The following SLC4A8 variants were observed in gnomAD, a reference collection of about 807,000 sequenced individuals.
SLC4A8 encodes electroneutral sodium bicarbonate exchanger 1.
A neutral mutation model predicts 125.0 loss-of-function variants in SLC4A8; 40 were observed. The observed-to-expected ratio is 0.32, with a 90% confidence interval of 0.25 to 0.42. The LOEUF (loss-of-function observed/expected upper bound fraction) is 0.42. Ranked by LOEUF, SLC4A8 falls within the 10% of genes least tolerant of loss-of-function variation. SLC4A8 has a pLI of 1.00. For missense variants in SLC4A8, 863 were observed against 1,355.1 expected (o/e 0.64, Z 5.70); for synonymous variants, 456 against 476.0 (o/e 0.96, Z 0.55).
intron 16 of SLC4A8, chr12:51,480,555 A>G (rs958995157): frequency 1.0e-6 from 1 of 987,892 alleles, no homozygotes; most frequent in Non-Finnish European, 1.2e-6. Flanking sequence ...TCCCGTAAAT[A>G]TCTTTTGATT....
rs1950274456 is a variant in SLC4A8, at chr12:51,460,056, C to T, written c.961C>T (p.Leu321=). 1 of 1,613,756 alleles carries T rather than the reference C, an allele frequency of 6.2e-7. No homozygotes were observed. The highest frequency in any genetic ancestry group is 8.5e-7 in the Non-Finnish European group (1 of 1,179,654). ...CCGTCCCATTGTTGCCTTTGTGAGG[C>T]TGTCTCCAGCTGTTCTTCTCTCAGG... ...LDRPIVAFVR[L]SPAVLLSGLT... is the part of the protein sequence containing the mutation. The change falls in exon 8 of 25, where the codon CTG becomes TTG. Residue 321 remains leucine, a synonymous_variant. Coordinates refer to ENST00000453097, the MANE Select transcript of SLC4A8 (RefSeq NM_001039960.3).
At chr12:51,401,830 A>T (rs1324104364) in intron 1 of SLC4A8, among the ~76,000 whole-genome samples, 2 of 152,008 alleles carry the variant, frequency 1.3e-5, no homozygotes, top group Non-Finnish European at 2.9e-5. Flanking sequence ...CTCCCATATC[A>T]ACTCTTCAAT....
intron 13 of SLC4A8, 115 bp downstream of exon 13, chr12:51,470,640 A>G (rs1341719339): frequency 3.1e-6 from 3 of 969,710 alleles, no homozygotes; most frequent in Non-Finnish European, 4.7e-6. Flanking sequence ...ATTGTAAGAA[A>G]CCTGAAAGGA....
At chr12:51,403,923 G>C (rs187928216) in intron 1 of SLC4A8, among the ~76,000 whole-genome samples, 1 of 152,390 alleles carries the variant, frequency 6.6e-6, no homozygotes, top group Non-Finnish European at 1.5e-5. Flanking sequence ...TGCTTGACAA[G>C]CTAAGTGTGT....
intron 2 of SLC4A8, among the ~76,000 whole-genome samples, chr12:51,443,479 C>G (rs1949665015): frequency 6.6e-6 from 1 of 151,994 alleles, no homozygotes; most frequent in Non-Finnish European, 1.5e-5. Flanking sequence ...AAGATGAACT[C>G]AAGAAGAGCA....
intron 1 of SLC4A8, among the ~76,000 whole-genome samples, chr12:51,412,473 CA>C (rs1948613068): frequency 6.6e-6 from 1 of 152,120 alleles, no homozygotes; most frequent in Non-Finnish European, 1.5e-5. Flanking sequence ...TTGAAATATA[CA>C]ATAAATTGTT....
At chr12:51,450,786 T>C (rs1276182290) in intron 2 of SLC4A8, 90 bp from the exon 3 acceptor site, 2 of 1,411,196 alleles carry the variant, frequency 1.4e-6, no homozygotes, top group Non-Finnish European at 2.0e-6. Context: ...AACTGTGATA[T>C]TTTTTTCTCT....
upstream of SLC4A8, among the ~76,000 whole-genome samples, chr12:51,424,051 A>AAC (rs1948868469): frequency 2.3e-5 from 1 of 44,020 alleles, no homozygotes; most frequent in Non-Finnish European, 5.2e-5. Flanking sequence ...AAAAAAAAAA[A>AAC]AACAAAAAAA....
chr12:51,434,331 G>T lies in SLC4A8; in HGVS notation c.49-6377G>T, dbSNP rs138204921. On this transcript the variant is annotated intron_variant, in intron 1 of 24. Transcript: ENST00000453097. ...ACGAGATTATTATACTGAAAAAATA[G>T]TTTCCTAATATAATCAAATTTTCAT... 7.6e-3 allele frequency among the ~76,000 whole-genome samples: 1,154 copies of T among 152,184 alleles called. 8 individuals carry two copies. Among genetic ancestry groups the T allele is most frequent in the Non-Finnish European group, 0.013 (915 of 68,004 alleles).
chr12:51,442,167 ATC>A (rs1949620065), intron 2 of SLC4A8, among the ~76,000 whole-genome samples: 1 of 152,160 alleles, frequency 6.6e-6, no homozygotes, highest in Non-Finnish European at 1.5e-5. Flanking sequence ...TGGGGAGAGA[ATC>A]CTGCTCTTTT....
chr12:51,457,506 A>C lies in SLC4A8; in HGVS notation c.730A>C (p.Lys244Gln). 1.2e-6 allele frequency: 2 copies of C among 1,614,108 alleles called. No homozygotes were observed. Among genetic ancestry groups the C allele is most frequent in the Non-Finnish European group, 1.7e-6 (2 of 1,179,962 alleles). ...IVRSFAEVGK[K>Q]QSDPHLMDKH... ...TCGCTCCTTTGCTGAGGTTGGCAAG[A>C]AGCAGTCTGATCCTCATTTGATGGA... The change falls in exon 6 of 25, where the codon AAG (lysine) becomes CAG (glutamine). Residue 244 changes from lysine (K) to glutamine (Q), a missense_variant. This residue lies in a region of SLC4A8 where 390 missense variants were observed against 634.4 expected (regional missense o/e 0.61). Coordinates refer to ENST00000453097, the MANE Select transcript of SLC4A8 (RefSeq NM_001039960.3).
intron 22 of SLC4A8, among the ~76,000 whole-genome samples, chr12:51,499,799 TG>T (rs750643342): frequency 9.2e-5 from 14 of 152,128 alleles, no homozygotes; most frequent in Admixed American, 2.0e-4. Flanking sequence ...TGAGAATATC[TG>T]GGAGTAAGAA....
upstream of SLC4A8, among the ~76,000 whole-genome samples, chr12:51,420,400 T>C (rs1479588065): frequency 6.6e-6 from 1 of 152,220 alleles, no homozygotes; most frequent in Non-Finnish European, 1.5e-5. Flanking sequence ...TTGCAAATTA[T>C]TTAAGAACAT....
At chr12:51,440,410 G>GTT (rs11333373) in intron 1 of SLC4A8, among the ~76,000 whole-genome samples, 1 of 144,760 alleles carries the variant, frequency 6.9e-6, no homozygotes, top group Non-Finnish European at 1.5e-5. Flanking sequence ...TTCTCTCTCT[G>GTT]TTTTTTTTTT....
At chr12:51,495,477 T>A (rs957128050) in intron 21 of SLC4A8, among the ~76,000 whole-genome samples, 1 of 137,730 alleles carries the variant, frequency 7.3e-6, no homozygotes, top group African/African-American at 2.7e-5. Context: ...CTTCTTTTTT[T>A]TTTTTTTTTT....
chr12:51,418,898 A>T (rs1344708598), intron 1 of SLC4A8, among the ~76,000 whole-genome samples: 2 of 152,174 alleles, frequency 1.3e-5, no homozygotes, highest in Non-Finnish European at 1.5e-5. Context: ...TTTTCAGTAA[A>T]CTAATGAATG....
At position 51,424,863 on chromosome 12, in the gene SLC4A8, G is replaced by A. The variant is rs1948904503; in HGVS notation, c.-125G>A. The A allele has an allele frequency of 2.8e-6, 3 of 1,063,500 alleles. No homozygotes were observed. The highest frequency in any genetic ancestry group is 2.3e-5 in the Admixed American group (1 of 43,676). 65.9% of individuals were successfully genotyped at this position (1,063,500 alleles called of 1,614,324 possible). On this transcript the variant is annotated 5_prime_UTR_variant, in exon 1 of 25. Coordinates refer to ENST00000453097, the MANE Select transcript of SLC4A8 (RefSeq NM_001039960.3). ...GGTGGCTATGGAGGCGGCGGCGGTT[G>A]ATGGTTGACCGTTGGCTCCGGGGTG...
intron 1 of SLC4A8, chr12:51,402,959 A>C: frequency 3.2e-6 from 1 of 315,544 alleles, no homozygotes; most frequent in Non-Finnish European, 6.3e-6. Flanking sequence ...CCCTGATAGA[A>C]TCCCCCCCAG....
intron 22 of SLC4A8, among the ~76,000 whole-genome samples, chr12:51,499,159 C>T (rs962543307): frequency 2.0e-5 from 3 of 151,746 alleles, no homozygotes; most frequent in Non-Finnish European, 4.4e-5. Flanking sequence ...CCAGCCTGGG[C>T]GAAAGAACAA....
Sources: allele counts gnomAD v4.1 joint callset (sites outside exome capture counted in the v4.1 genomes callset), GRCh38; gene constraint gnomAD v4.1.1; regional missense constraint gnomAD v4.1.1; transcripts MANE v1.5; gene names NCBI Gene and HGNC (gene_info 2026-07-23, HGNC 2026-07-21).